The following RAB8B variants were observed in gnomAD, a reference collection of about 807,000 sequenced individuals.
RAB8B encodes RAB8B, member RAS oncogene family, also known as ras-related protein Rab-8B.
RAB8B carries 11 observed loss-of-function variants against 32.0 expected under a neutral mutation model. The ratio of observed to expected loss-of-function variants is 0.34; its 90% confidence interval spans 0.22 to 0.57. RAB8B has a LOEUF of 0.57. RAB8B is among the 20% of genes least tolerant of loss of function. The pLI is 0.86. For synonymous variants in RAB8B, 103 were observed against 89.6 expected, an observed-to-expected ratio of 1.15 and a Z score of -0.85; for missense variants, 190 against 258.5, an observed-to-expected ratio of 0.73 and a Z score of 1.82.
Position 63,264,294 on chromosome 15 carries a change from T to A in RAB8B, c.*675T>A, listed in dbSNP as rs906460868. On this transcript the variant is annotated 3_prime_UTR_variant, in exon 8 of 8. Transcript: ENST00000321437. ...CTTTAAAATGATTACCTCTGCCTAA[T>A]CTATAGAAACTGCATTTGGAAATCA... The A allele has an allele frequency of 6.6e-6, 1 of 152,224 alleles. No homozygotes were observed. The highest frequency in any genetic ancestry group is 6.5e-5 in the Admixed American group (1 of 15,286). The allele number at this position is 152,224 out of a possible 1,614,324, so 9.4% of individuals were successfully genotyped here. A position where few individuals can be genotyped will look rare whatever the true frequency, so the allele number is the denominator to read the frequency against.
intron 2 of RAB8B, among the ~76,000 whole-genome samples, chr15:63,246,451 CACTT>C (rs1311446601): frequency 2.6e-5 from 4 of 151,222 alleles, no homozygotes; most frequent in Admixed American, 2.0e-4. Context: ...CTCAGGGAAA[CACTT>C]TATTTATGTT....
intron 1 of RAB8B, among the ~76,000 whole-genome samples, chr15:63,199,543 A>C (rs1472915037): frequency 6.6e-6 from 1 of 152,216 alleles, no homozygotes; most frequent in Non-Finnish European, 1.5e-5. Context: ...AATTTCTTTA[A>C]CATGCACAAA....
At chr15:63,251,834 T>C (rs1223924511) in intron 3 of RAB8B, among the ~76,000 whole-genome samples, 3 of 152,152 alleles carry the variant, frequency 2.0e-5, no homozygotes, top group Non-Finnish European at 4.4e-5. Context: ...CTTGGATCTC[T>C]CAAGTCATCC....
chr15:63,243,104 C>T (rs2038045620), intron 1 of RAB8B, among the ~76,000 whole-genome samples: 1 of 152,158 alleles, frequency 6.6e-6, no homozygotes, highest in Non-Finnish European at 1.5e-5. Context: ...CAACCTAGAT[C>T]CCCCACATGG....
intron 2 of RAB8B, 100 bp from the exon 3 acceptor site, chr15:63,249,545 C>T (rs1331145641): frequency 2.7e-6 from 3 of 1,099,508 alleles, no homozygotes; most frequent in Admixed American, 2.1e-5. Context: ...GTGACCACTG[C>T]ACCCTGAGCA....
chr15:63,201,111 A>G (rs1219513036), intron 1 of RAB8B, among the ~76,000 whole-genome samples: 1 of 152,144 alleles, frequency 6.6e-6, no homozygotes, highest in East Asian at 1.9e-4. Flanking sequence ...TCAGTCAGCT[A>G]CTCATGCCAA....
intron 1 of RAB8B, among the ~76,000 whole-genome samples, chr15:63,198,072 G>A (rs1174516472): frequency 6.6e-6 from 1 of 152,096 alleles, no homozygotes; most frequent in African/African-American, 2.4e-5. Context: ...CTTATTTCAA[G>A]TTGAATTAAT....
At chr15:63,235,753 G>A (rs1479700265) in intron 1 of RAB8B, among the ~76,000 whole-genome samples, 2 of 151,588 alleles carry the variant, frequency 1.3e-5, no homozygotes, top group African/African-American at 4.8e-5. Flanking sequence ...ATACAAATTG[G>A]TTTGACTGTA....
chr15:63,245,941 C>T (rs959043169), intron 2 of RAB8B, among the ~76,000 whole-genome samples: 11 of 152,028 alleles, frequency 7.2e-5, no homozygotes, highest in East Asian at 1.9e-4. Flanking sequence ...GGTGTGAGCT[C>T]GGCTCACTGC....
At chr15:63,212,753 G>A (rs2037758715) in intron 1 of RAB8B, among the ~76,000 whole-genome samples, 1 of 152,126 alleles carries the variant, frequency 6.6e-6, no homozygotes, top group Non-Finnish European at 1.5e-5. Context: ...TTCATGATTG[G>A]TGTATGAATA....
At chr15:63,202,083 C>G (rs1471533900) in intron 1 of RAB8B, among the ~76,000 whole-genome samples, 2 of 122,030 alleles carry the variant, frequency 1.6e-5, no homozygotes, top group African/African-American at 6.3e-5. Context: ...GAAACCCCGT[C>G]TCTACTAAAA....
At chr15:63,202,778 C>G (rs188637136) in intron 1 of RAB8B, among the ~76,000 whole-genome samples, 22 of 152,272 alleles carry the variant, frequency 1.4e-4, no homozygotes, top group African/African-American at 5.3e-4. Context: ...TTGTAAAAAC[C>G]TTGTTTGGCA....
intron 1 of RAB8B, among the ~76,000 whole-genome samples, chr15:63,207,726 A>C (rs1209096070): frequency 1.3e-5 from 2 of 151,288 alleles, no homozygotes; most frequent in African/African-American, 4.9e-5. Flanking sequence ...CACCCGGCAA[A>C]TTTTCTTTTT....
intron 1 of RAB8B, among the ~76,000 whole-genome samples, chr15:63,236,360 A>G (rs1276404143): frequency 1.3e-5 from 2 of 152,098 alleles, no homozygotes; most frequent in Non-Finnish European, 2.9e-5. Flanking sequence ...GGAAAGTGGG[A>G]CTACTTTAAA....
At chr15:63,261,509 A>G (rs532590724) in intron 6 of RAB8B, among the ~76,000 whole-genome samples, 3 of 152,320 alleles carry the variant, frequency 2.0e-5, no homozygotes, top group South Asian at 2.1e-4. Flanking sequence ...ATGGAATACT[A>G]TTCAGCCATA....
chr15:63,244,881 A>G, intron 2 of RAB8B, 65 bp downstream of exon 2: 1 of 1,378,944 alleles, frequency 7.3e-7, no homozygotes, highest in South Asian at 1.3e-5. Flanking sequence ...TTAAATGTGA[A>G]TTGTAATAAG....
Position 63,259,842 on chromosome 15 carries a change from T to C in RAB8B, c.480+150T>C. On this transcript the variant is annotated intron_variant, in intron 6 of 7. Transcript: ENST00000321437. The surrounding 1 kb of genome is among the most constrained non-coding windows in gnomAD (Gnocchi z 4.4). ...CTTTGTACACTTTTGTGCTTCTGAT[T>C]TTTTTTTTTTTGAGATGGAGTCTCA... 1.8e-6 allele frequency: 1 copy of C among 567,970 alleles called. No homozygotes were observed. The highest frequency in any genetic ancestry group is 2.9e-6 in the Non-Finnish European group (1 of 341,328). The allele number at this position is 567,970 out of a possible 1,614,324, so 35.2% of individuals were successfully genotyped here. A position where few individuals can be genotyped will look rare whatever the true frequency, so the allele number is the denominator to read the frequency against.
At chr15:63,190,635 G>C (rs1390000248) in intron 1 of RAB8B, among the ~76,000 whole-genome samples, 1 of 152,180 alleles carries the variant, frequency 6.6e-6, no homozygotes, top group Non-Finnish European at 1.5e-5. Context: ...AATGTCTATA[G>C]AGCGTTAATT....
chr15:63,210,623 G>C (rs2141115608), intron 1 of RAB8B, among the ~76,000 whole-genome samples: 1 of 152,284 alleles, frequency 6.6e-6, no homozygotes, highest in Non-Finnish European at 1.5e-5. Flanking sequence ...AAAGCACTGA[G>C]ATAATTTGGA....
Sources: gnomAD v4.1 joint callset for allele counts (sites outside exome capture counted in the v4.1 genomes callset) on GRCh38, gnomAD v4.1.1 for gene constraint, Gnocchi (gnomAD v3.1) non-coding constraint, MANE v1.5 for transcripts, NCBI Gene and HGNC (gene_info 2026-07-23, HGNC 2026-07-21) for gene names.